PALMD: variants seen among roughly 807,000 people sequenced by gnomAD.
PALMD encodes paralemmin-like protein.
Under a neutral mutation model 56.2 loss-of-function variants are expected in PALMD, and 42 were observed. That is an observed-to-expected ratio of 0.75 (90% CI 0.58 to 0.97). The LOEUF (loss-of-function observed/expected upper bound fraction) is 0.97. Ranked by LOEUF, PALMD falls within the 50% of genes least tolerant of loss-of-function variation. PALMD has a pLI of 0.00. For synonymous variants in PALMD, 242 were observed against 222.9 expected (o/e 1.09, Z -0.76); for missense variants, 660 against 643.8 (o/e 1.03, Z -0.27).
chr1:99,687,701 G>A (rs1352255109), intron 6 of PALMD, among the ~76,000 whole-genome samples: 2 of 152,164 alleles, frequency 1.3e-5, no homozygotes, highest in Non-Finnish European at 2.9e-5. Context: ...TTTATTTGCA[G>A]ATGGTAGTCA....
At chr1:99,693,032 G>T (rs1224581843) in intron 7 of PALMD, among the ~76,000 whole-genome samples, 1 of 152,164 alleles carries the variant, frequency 6.6e-6, no homozygotes, top group African/African-American at 2.4e-5. Context: ...TCTTGTTACA[G>T]AATTAGATCC....
intron 1 of PALMD, among the ~76,000 whole-genome samples, chr1:99,661,335 C>T (rs1302504594): frequency 2.0e-5 from 3 of 152,216 alleles, no homozygotes; most frequent in Admixed American, 2.0e-4. Flanking sequence ...ATCTCTAAAA[C>T]ATTTCAAGCT....
intron 7 of PALMD, among the ~76,000 whole-genome samples, chr1:99,690,926 A>T (rs1653640233): frequency 6.6e-6 from 1 of 152,166 alleles, no homozygotes; most frequent in African/African-American, 2.4e-5. Context: ...TTCTTCCTCT[A>T]CAACCCATAA....
chr1:99,688,815 G>T lies in PALMD; in HGVS notation c.555G>T (p.Lys185Asn). Reference protein sequence around the residue: ...AMEIKVEKDLKTGESTVLSSI... With the variant: ...AMEIKVEKDLNTGESTVLSSI... Reference sequence around the variant, plus strand: ...AAATTAAAGTTGAAAAAGACTTGAAGACTGGAGAAAGTACAGTTCTGTCTT... The same window carrying T: ...AAATTAAAGTTGAAAAAGACTTGAATACTGGAGAAAGTACAGTTCTGTCTT... The change falls in exon 7 of 8, where the codon AAG becomes AAT. Residue 185 changes from lysine (K) to asparagine (N), a missense_variant. Lys to Asn is a moderately conservative substitution (Grantham distance 94, BLOSUM62 0). Coordinates refer to ENST00000263174, the MANE Select transcript of PALMD (RefSeq NM_017734.5). The T allele has an allele frequency of 6.2e-7, 1 of 1,608,996 alleles. No individual in the cohort carries two copies. The highest frequency in any genetic ancestry group is 1.1e-5 in the South Asian group (1 of 90,212).
At position 99,694,142 on chromosome 1, in the gene PALMD, T is replaced by C; in HGVS notation, c.*80T>C. 2 of 1,020,252 alleles carry C rather than the reference T, an allele frequency of 2.0e-6. No individual in the cohort carries two copies. The highest frequency in any genetic ancestry group is 2.9e-6 in the Non-Finnish European group (2 of 678,810). The allele number at this position is 1,020,252 out of a possible 1,614,324, so 63.2% of individuals were successfully genotyped here. A position where few individuals can be genotyped will look rare whatever the true frequency, so the allele number is the denominator to read the frequency against. On this transcript the variant is annotated 3_prime_UTR_variant, in exon 8 of 8. Coordinates refer to ENST00000263174, the MANE Select transcript of PALMD (RefSeq NM_017734.5). ...AAATTTCTCTTCTGGATATTTTGTTTATTTTTTCTGAAGTCCAAAAAATTA... is the reference window on the plus strand; with the variant it reads ...AAATTTCTCTTCTGGATATTTTGTTCATTTTTTCTGAAGTCCAAAAAATTA...
In PALMD at chr1:99,689,580, C is replaced by A. The variant is rs150846727; in HGVS notation, c.1320C>A (p.Ile440=). The A allele has an allele frequency of 1.2e-5, 19 of 1,613,618 alleles. No homozygotes were observed. In the African/African-American group the frequency reaches 2.4e-4, roughly 20 times the overall value. Residue 440 remains isoleucine, a synonymous_variant, in exon 7 of 8, where the codon ATC becomes ATA. Coordinates refer to ENST00000263174, the MANE Select transcript of PALMD (RefSeq NM_017734.5). ...KKFLTGYDGI[I]HAELVVIDDE... ...TTCTGACAGGATATGATGGGATCAT[C>A]CATGCTGAGCTGGTTGTGATTGATG...
intron 2 of PALMD, among the ~76,000 whole-genome samples, chr1:99,664,767 C>A (rs2100860615): frequency 6.6e-6 from 1 of 152,308 alleles, no homozygotes; most frequent in Non-Finnish European, 1.5e-5. Flanking sequence ...TTCATCCATT[C>A]GTCCTAGTCT....
rs183942829 is a variant in PALMD, at chr1:99,657,194, C to T, written c.46-5125C>T. Among the ~76,000 whole-genome samples, 6 of 152,262 alleles carry T rather than the reference C, an allele frequency of 3.9e-5. No homozygotes were observed. In the East Asian group the frequency reaches 9.7e-4, roughly 25 times the overall value. On this transcript the variant is annotated intron_variant, in intron 1 of 7. Transcript: ENST00000263174. ...TTTATCTCTAGCTCTGATTCTTCAT[C>T]TCTCTCCATCCAACATTCCAACTGC...
At chr1:99,662,480 C>G in intron 2 of PALMD, 81 bp downstream of exon 2, 3 of 866,604 alleles carry the variant, frequency 3.5e-6, no homozygotes, top group Non-Finnish European at 5.6e-6. Context: ...AGTAAAAAAG[C>G]TTTAGGAAAG....
chr1:99,694,133 T>C lies in PALMD; in HGVS notation c.*71T>C, dbSNP rs1392730815. ...AGCATTTGCAAATTTCTCTTCTGGA[T>C]ATTTTGTTTATTTTTTCTGAAGTCC... On this transcript the variant is annotated 3_prime_UTR_variant, in exon 8 of 8. Coordinates refer to ENST00000263174, the MANE Select transcript of PALMD (RefSeq NM_017734.5). The C allele has an allele frequency of 9.4e-7, 1 of 1,061,642 alleles. No individual in the cohort carries two copies. Among genetic ancestry groups the C allele is most frequent in the African/African-American group, 1.6e-5 (1 of 62,462 alleles). The allele number at this position is 1,061,642 out of a possible 1,614,324, so 65.8% of individuals were successfully genotyped here.
intron 1 of PALMD, among the ~76,000 whole-genome samples, chr1:99,651,454 T>C (rs1360463545): frequency 1.3e-5 from 2 of 152,236 alleles, no homozygotes; most frequent in African/African-American, 4.8e-5. Context: ...GCTGCTTCTT[T>C]AGAAAACTGT....
At chr1:99,680,948 T>C (rs1653327006) in intron 3 of PALMD, among the ~76,000 whole-genome samples, 1 of 151,984 alleles carries the variant, frequency 6.6e-6, no homozygotes, top group Admixed American at 6.6e-5. Context: ...CATGTTGGAA[T>C]TGGATTGGAG....
At chr1:99,649,144 A>G (rs1454841260) in intron 1 of PALMD, among the ~76,000 whole-genome samples, 1 of 152,200 alleles carries the variant, frequency 6.6e-6, no homozygotes, top group African/African-American at 2.4e-5. Context: ...ATTTTACACA[A>G]TTACTTTCAT....
At chr1:99,669,420 A>G (rs1653038253) in intron 3 of PALMD, 1 of 152,212 alleles carries the variant, frequency 6.6e-6, no homozygotes, top group Non-Finnish European at 1.5e-5. Flanking sequence ...GGCATCCCTT[A>G]GCAAGACATT....
chr1:99,689,380 A>C lies in PALMD; in HGVS notation c.1120A>C (p.Thr374Pro), dbSNP rs751969307. 5 of 1,613,658 alleles carry C rather than the reference A, an allele frequency of 3.1e-6. No individual in the cohort carries two copies. In the African/African-American group the frequency reaches 6.7e-5, roughly 22 times the overall value. Residue 374 changes from threonine (T) to proline (P), a missense_variant, in exon 7 of 8, where the codon ACA becomes CCA. Physicochemically the swap from Thr to Pro is conservative, Grantham distance 38 (BLOSUM62 -1). Transcript: ENST00000263174. ...SPKPRLSPRE[T>P]IFGKSEHQNS... ...AAAGCCAAGGCTGAGCCCCAGAGAG[A>C]CAATATTTGGGAAATCTGAACACCA...
chr1:99,658,750 G>T (rs1349545280), intron 1 of PALMD, among the ~76,000 whole-genome samples: 1 of 151,662 alleles, frequency 6.6e-6, no homozygotes, highest in Non-Finnish European at 1.5e-5. Flanking sequence ...CAGCCTGGGT[G>T]ACAGAGCAAG....
At chr1:99,685,097 C>T (rs998729008) in intron 3 of PALMD, 4 of 152,200 alleles carry the variant, frequency 2.6e-5, no homozygotes, top group African/African-American at 9.7e-5. Context: ...TATATCATAA[C>T]ATATTTACAT....
chr1:99,673,144 A>G (rs1056706674), intron 3 of PALMD, among the ~76,000 whole-genome samples: 1 of 152,210 alleles, frequency 6.6e-6, no homozygotes, highest in Admixed American at 6.5e-5. Context: ...GCAATAATTT[A>G]CTCAATTAAC....
chr1:99,662,312 A>C lies in PALMD; in HGVS notation c.46-7A>C. 1 of 1,447,248 alleles carries C rather than the reference A, an allele frequency of 6.9e-7. No homozygotes were observed. The allele number at this position is 1,447,248 out of a possible 1,614,324, so 89.7% of individuals were successfully genotyped here. ...AAATAAAATATACTGGAACTTTTTT[A>C]TTTCAGGATAAAAGAAAAATACAGG... is the stretch of plus-strand genomic sequence containing the variant. On this transcript the variant is annotated splice_polypyrimidine_tract_variant and splice_region_variant and intron_variant, in intron 1 of 7. Transcript: ENST00000263174.
Sources: gnomAD v4.1 joint callset for allele counts (sites outside exome capture counted in the v4.1 genomes callset) on GRCh38, gnomAD v4.1.1 for gene constraint, MANE v1.5 for transcripts, NCBI Gene and HGNC (gene_info 2026-07-23, HGNC 2026-07-21) for gene names.